SI: variants seen among roughly 807,000 people sequenced by gnomAD.
SI encodes sucrase-isomaltase.
A neutral mutation model predicts 253.3 loss-of-function variants in SI; 235 were observed. That is an observed-to-expected ratio of 0.93 (90% CI 0.83 to 1.03). The LOEUF (loss-of-function observed/expected upper bound fraction) is 1.03. SI is among the 50% of genes least tolerant of loss of function. The pLI is 0.00. For missense variants in SI, 2,442 were observed against 2,211.1 expected (o/e 1.10, Z -2.09); for synonymous variants, 819 against 712.0 (o/e 1.15, Z -2.39).
intron 34 of SI, among the ~76,000 whole-genome samples, chr3:165,012,553 C>G (rs981676630): frequency 2.6e-5 from 4 of 151,990 alleles, no homozygotes; most frequent in African/African-American, 9.7e-5. Flanking sequence ...CTCAGCTTTC[C>G]GAGTAGCTGG....
chr3:165,076,158 G>A, intron 1 of SI, 146 bp from the exon 2 acceptor site: 1 of 525,432 alleles, frequency 1.9e-6, no homozygotes, highest in Non-Finnish European at 3.1e-6. Context: ...CCTAAATTAA[G>A]CACTTACTTA....
At chr3:164,996,464 A>G in intron 40 of SI, 71 bp downstream of exon 40, 1 of 891,488 alleles carries the variant, frequency 1.1e-6, no homozygotes, top group South Asian at 1.3e-5. Flanking sequence ...TAACCAAGCC[A>G]TGTACACTAA....
chr3:165,017,476 T>A (rs1042047638), intron 31 of SI, 72 bp downstream of exon 31: 4 of 1,441,560 alleles, frequency 2.8e-6, no homozygotes, highest in African/African-American at 2.8e-5. Flanking sequence ...AATTAAAGTA[T>A]ACATGTTTAA....
intron 13 of SI, among the ~76,000 whole-genome samples, chr3:165,051,239 A>G (rs780227905): frequency 3.3e-5 from 5 of 152,230 alleles, no homozygotes; most frequent in Non-Finnish European, 5.9e-5. Flanking sequence ...GGATATAAAA[A>G]GAAGCTAAGG....
intron 25 of SI, 105 bp downstream of exon 25, chr3:165,030,607 G>T: frequency 2.5e-6 from 3 of 1,190,124 alleles, no homozygotes; most frequent in South Asian, 2.6e-5. Context: ...TTATCTACTT[G>T]AATTTAGTTT....
In SI at chr3:165,030,728, C is replaced by T. The variant is rs376827142; in HGVS notation, c.2876G>A (p.Gly959Asp). 3 of 1,608,486 alleles carry T rather than the reference C, an allele frequency of 1.9e-6. No individual in the cohort carries two copies. The highest frequency in any genetic ancestry group is 2.7e-5 in the African/African-American group (2 of 74,414). ...LATEQKCTQR[G>D]CVWRTGSSLS... Reference sequence around the variant, plus strand: ...TATTATTACCGTTCTCCATACACAGCCACGTTGTGTGCACTTTTGTTCAGT... The same window carrying T: ...TATTATTACCGTTCTCCATACACAGTCACGTTGTGTGCACTTTTGTTCAGT... The change falls in exon 25 of 48, where the codon GGC becomes GAC. Residue 959 changes from glycine (G) to aspartate (D), a missense_variant. Coordinates refer to ENST00000264382, the MANE Select transcript of SI (RefSeq NM_001041.4).
At position 165,067,458 on chromosome 3, in the gene SI, G is replaced by A. The variant is rs146960446; in HGVS notation, c.517C>T (p.Pro173Ser). Residue 173 changes from proline (P) to serine (S), a missense_variant, in exon 6 of 48, where the codon CCT (proline) becomes TCT (serine). Transcript: ENST00000264382. ...GTAAACTCTTTTACATACTGATGAG[G>A]AACTTCATATCTTCTATTATTTGGA... is the stretch of plus-strand genomic sequence containing the variant. ...TDPNNRRYEV[P>S]HQYVKEFTGP... The A allele has an allele frequency of 3.1e-6, 5 of 1,610,880 alleles. No homozygotes were observed. The highest frequency in any genetic ancestry group is 4.2e-6 in the Non-Finnish European group (5 of 1,177,470).
chr3:165,037,132 T>C (rs1440756151), intron 21 of SI, among the ~76,000 whole-genome samples: 3 of 151,904 alleles, frequency 2.0e-5, no homozygotes. Context: ...ATTGTGATAC[T>C]AGTCCATTCC....
intron 8 of SI, 53 bp downstream of exon 8, chr3:165,063,389 T>C (rs562979565): frequency 1.2e-6 from 1 of 848,294 alleles, no homozygotes. Context: ...AGAGAGCAGT[T>C]AAAACATTTC....
At chr3:165,040,868 C>A in intron 18 of SI, 72 bp downstream of exon 18, 1 of 1,220,190 alleles carries the variant, frequency 8.2e-7, no homozygotes. Context: ...GATTTACCTC[C>A]ATTAAACTTT....
At chr3:165,035,075 C>T (rs1712463719) in intron 22 of SI, among the ~76,000 whole-genome samples, 1 of 151,902 alleles carries the variant, frequency 6.6e-6, no homozygotes, top group Non-Finnish European at 1.5e-5. Flanking sequence ...AAGTTACCAT[C>T]AACTGACAAA....
intron 44 of SI, among the ~76,000 whole-genome samples, chr3:164,990,827 A>T (rs767095573): frequency 6.6e-6 from 1 of 152,116 alleles, no homozygotes; most frequent in Non-Finnish European, 1.5e-5. Flanking sequence ...GCAGCACACC[A>T]ACATGGCACA....
At position 165,074,557 on chromosome 3, in the gene SI, AG is replaced by A; in HGVS notation, c.228del (p.Cys77AlafsTer43). 6.2e-7 allele frequency: 1 copy of A among 1,608,842 alleles called. No individual in the cohort carries two copies. The highest frequency in any genetic ancestry group is 1.1e-5 in the South Asian group (1 of 90,566). ...VLNDPVNVRI[N>X]CIPEQFPTEG... ...TCTGTTGGGAATTGTTCTGGAATGC[AG>A]TTTATTCTCACATTGACAGGATCAT... On this transcript the variant is annotated frameshift_variant, in exon 3 of 48. Coordinates refer to ENST00000264382, the MANE Select transcript of SI (RefSeq NM_001041.4). LOFTEE classifies it high-confidence loss of function.
intron 37 of SI, among the ~76,000 whole-genome samples, chr3:165,005,078 T>C (rs1384004747): frequency 1.3e-5 from 2 of 152,148 alleles, no homozygotes; most frequent in African/African-American, 2.4e-5. Context: ...CATTCTGCCA[T>C]GATTGTATGT....
Position 164,996,761 on chromosome 3 carries a change from A to T in SI, c.4552T>A (p.Phe1518Ile). ...MDKSIIGMMEFSLFGMSYTGA... is the reference protein window; with the variant it reads ...MDKSIIGMMEISLFGMSYTGA... ...ACATATGACATTCCAAACAGACTAA[A>T]TTCCATCATACCTGAAAAAGTTAGA... Residue 1518 changes from phenylalanine to isoleucine, a missense_variant, in exon 39 of 48, where the codon TTT (phenylalanine) becomes ATT (isoleucine). Phe to Ile is a conservative substitution (Grantham distance 21, BLOSUM62 0). Coordinates refer to ENST00000264382, the MANE Select transcript of SI (RefSeq NM_001041.4). The T allele has an allele frequency of 9.5e-7, 1 of 1,050,736 alleles. No homozygotes were observed. The highest frequency in any genetic ancestry group is 1.4e-5 in the South Asian group (1 of 70,402). 65.1% of individuals were successfully genotyped at this position (1,050,736 alleles called of 1,614,324 possible). A position where few individuals can be genotyped will look rare whatever the true frequency, so the allele number is the denominator to read the frequency against.
intron 35 of SI, among the ~76,000 whole-genome samples, chr3:165,008,705 A>G (rs543505190): frequency 3.3e-5 from 5 of 152,168 alleles, no homozygotes; most frequent in South Asian, 2.1e-4. Context: ...TCAATTTAAA[A>G]AATAAGTAAA....
chr3:165,056,855 A>G (rs576194703), intron 12 of SI, among the ~76,000 whole-genome samples: 80 of 152,174 alleles, frequency 5.3e-4, no homozygotes, highest in African/African-American at 1.9e-3. Context: ...CGGAAAACCT[A>G]TGAATGAGGA....
chr3:165,016,194 C>T, intron 31 of SI, 114 bp from the exon 32 acceptor site: 1 of 881,980 alleles, frequency 1.1e-6, no homozygotes, highest in Admixed American at 1.8e-5. Context: ...TTCCTCTTCA[C>T]TAGATCCTAA....
chr3:165,061,335 T>A (rs1576916859), intron 9 of SI, among the ~76,000 whole-genome samples: 1 of 151,998 alleles, frequency 6.6e-6, no homozygotes, highest in East Asian at 1.9e-4. Context: ...CATGTGATAA[T>A]CACACACAAA....
Sources: gnomAD v4.1 joint callset for allele counts (sites outside exome capture counted in the v4.1 genomes callset) on GRCh38, gnomAD v4.1.1 for gene constraint, MANE v1.5 for transcripts, NCBI Gene and HGNC (gene_info 2026-07-23, HGNC 2026-07-21) for gene names.